PAPPA2: variants seen among roughly 807,000 people sequenced by gnomAD.
PAPPA2 encodes the protein pappalysin 2, also known as pappalysin-2.
In PAPPA2, 86 loss-of-function variants were observed where a neutral mutation model predicts 176.4. The ratio of observed to expected loss-of-function variants is 0.49; its 90% CI spans 0.41 to 0.58. PAPPA2 has a LOEUF of 0.58. Among genes scored for constraint, PAPPA2 ranks in the 20% least tolerant of loss-of-function variants. The probability of loss-of-function intolerance (pLI) is 0.00; values close to 1 mark genes in which losing one functional copy is unlikely to be tolerated. For missense variants in PAPPA2, 2,073 were observed against 2,256.9 expected (o/e 0.92, Z 1.65); for synonymous variants, 809 against 852.2 (o/e 0.95, Z 0.88).
chr1:176,770,959 G>A lies in PAPPA2; in HGVS notation c.4502-8G>A. ...TGAGCATCTTGTGCTTCTCTTTCCT[G>A]GAGTCAGGACTGAGCCCATGGCTGA... On this transcript the variant is annotated splice_region_variant and splice_polypyrimidine_tract_variant and intron_variant, in intron 16 of 22. Transcript: ENST00000367662. 1.2e-6 allele frequency: 2 copies of A among 1,612,994 alleles called. No homozygotes were observed. Among genetic ancestry groups the A allele is most frequent in the Non-Finnish European group, 8.5e-7 (1 of 1,179,496 alleles).
In PAPPA2 at chr1:176,487,125, C is replaced by T. The variant is rs769587398; in HGVS notation, c.-917+23707C>T. ...TAATTTGACATCAACTATTTAAAAACGTATCTTATAAAATATGGATAAATG... is the reference window on the plus strand; with the variant it reads ...TAATTTGACATCAACTATTTAAAAATGTATCTTATAAAATATGGATAAATG... On this transcript the variant is annotated intron_variant, in intron 1 of 22. Coordinates refer to ENST00000367662, the MANE Select transcript of PAPPA2 (RefSeq NM_020318.3). Among the ~76,000 whole-genome samples, 14 of 152,282 alleles carry T rather than the reference C, an allele frequency of 9.2e-5. 1 individual carries two copies. The highest frequency in any genetic ancestry group is 1.6e-4 in the Non-Finnish European group (11 of 68,026).
At chr1:176,500,529 TTA>T (rs919403597) in intron 1 of PAPPA2, among the ~76,000 whole-genome samples, 102 of 148,780 alleles carry the variant, frequency 6.9e-4, no homozygotes, top group Non-Finnish European at 1.3e-3. Flanking sequence ...TATAATTTAT[TTA>T]TATATATTTG....
rs538320870 is a variant in PAPPA2 at position 176,603,576 on chromosome 1, G to A, written c.1991+7981G>A. On this transcript the variant is annotated intron_variant, in intron 3 of 22. Transcript: ENST00000367662. ...TTCTTACCCAGAGCGCTGTCCAATG[G>A]TTGTGGATCTGATTTCCAGAGACAA... is the stretch of plus-strand genomic sequence containing the variant. Among the ~76,000 whole-genome samples the A allele has an allele frequency of 3.9e-5, 6 of 152,260 alleles. No individual in the cohort carries two copies. The South Asian group carries it at 1.2e-3, about 32-fold the overall frequency.
rs75518221 is a variant in PAPPA2, at chr1:176,759,534, A to G, written c.4152-6132A>G. Among the ~76,000 whole-genome samples, 522 of 152,286 alleles carry G rather than the reference A, an allele frequency of 3.4e-3. 4 individuals carry two copies. Among genetic ancestry groups the G allele is most frequent in the African/African-American group, 0.012 (500 of 41,560 alleles). On this transcript the variant is annotated intron_variant, in intron 14 of 22. Transcript: ENST00000367662. Reference sequence around the variant, plus strand: ...TTCTGACCGACTCTGAAGTATTGTTATAGCCTTCTGGAGTTCTTTCAGGGT... The same window carrying G: ...TTCTGACCGACTCTGAAGTATTGTTGTAGCCTTCTGGAGTTCTTTCAGGGT...
intron 3 of PAPPA2, among the ~76,000 whole-genome samples, chr1:176,604,512 A>G (rs1003030900): frequency 6.6e-6 from 1 of 152,238 alleles, no homozygotes; most frequent in Non-Finnish European, 1.5e-5. Context: ...GTTTTTGTAA[A>G]TAAAATTATT....
rs1460788277 is a variant in PAPPA2 at position 176,745,749 on chromosome 1, A to T, written c.4151+5553A>T. ...AACCCAAAGCTGAGGTTCAGATCTC[A>T]CTGGAGGAGGTGCAGCTGTGGAACA... is the stretch of plus-strand genomic sequence containing the variant. On this transcript the variant is annotated intron_variant, in intron 14 of 22. Coordinates refer to ENST00000367662, the MANE Select transcript of PAPPA2 (RefSeq NM_020318.3). Among the ~76,000 whole-genome samples the T allele has an allele frequency of 2.6e-5, 4 of 152,298 alleles. No homozygotes were observed. In the East Asian group the frequency reaches 7.7e-4, roughly 29 times the overall value.
intron 17 of PAPPA2, 90 bp from the exon 18 acceptor site, chr1:176,789,719 C>T (rs1665089779): frequency 7.0e-7 from 1 of 1,431,774 alleles, no homozygotes; most frequent in East Asian, 2.5e-5. Flanking sequence ...TGCCTATTTG[C>T]TAATTCTTAT....
chr1:176,771,000 G>T lies in PAPPA2; in HGVS notation c.4535G>T (p.Gly1512Val). The change falls in exon 17 of 23, where the codon GGT becomes GTT. Residue 1512 changes from glycine to valine, a missense_variant. Around this residue, in one of 4 missense-constraint regions of PAPPA2, gnomAD observed 846 missense variants for 857.9 expected, o/e 0.99. Coordinates refer to ENST00000367662, the MANE Select transcript of PAPPA2 (RefSeq NM_020318.3). ...LSPWLTCLED[G>V]LWSLPEVYCK... is the part of the protein sequence containing the mutation. ...CCATGGCTGACATGTCTTGAAGATG[G>T]TCTCTGGTCTCTCCCTGAAGTCTAC... is the stretch of plus-strand genomic sequence containing the variant. The T allele has an allele frequency of 6.2e-7, 1 of 1,614,116 alleles. No individual in the cohort carries two copies. The highest frequency in any genetic ancestry group is 8.5e-7 in the Non-Finnish European group (1 of 1,180,014).
At chr1:176,593,617 A>C (rs1309127652) in intron 2 of PAPPA2, among the ~76,000 whole-genome samples, 1 of 152,178 alleles carries the variant, frequency 6.6e-6, no homozygotes. Context: ...CACATCTGAA[A>C]GTTTGTGTCC....
At chr1:176,610,235 A>G (rs1654836085) in intron 3 of PAPPA2, among the ~76,000 whole-genome samples, 1 of 151,644 alleles carries the variant, frequency 6.6e-6, no homozygotes, top group Non-Finnish European at 1.5e-5. Context: ...AGGAATGTCT[A>G]TGTCTCCTAT....
At chr1:176,580,326 C>A (rs1430085348) in intron 2 of PAPPA2, among the ~76,000 whole-genome samples, 1 of 152,150 alleles carries the variant, frequency 6.6e-6, no homozygotes, top group Non-Finnish European at 1.5e-5. Context: ...TATGTTGCTG[C>A]AAATGACAGG....
At chr1:176,505,659 ACAG>A (rs1188588680) in intron 1 of PAPPA2, among the ~76,000 whole-genome samples, 4 of 151,940 alleles carry the variant, frequency 2.6e-5, no homozygotes, top group African/African-American at 7.2e-5. Context: ...TTCATATGGA[ACAG>A]CAACAACAAC....
intron 1 of PAPPA2, among the ~76,000 whole-genome samples, chr1:176,552,493 TTCCCTTTCCC>T (rs372564096): frequency 4.7e-4 from 72 of 151,684 alleles, no homozygotes; most frequent in African/African-American, 1.7e-3. Flanking sequence ...CTTTCCTCTT[TTCCCTTTCCC>T]TCCCTTTCCC....
chr1:176,502,895 C>T (rs1023455171), intron 1 of PAPPA2, among the ~76,000 whole-genome samples: 5 of 152,052 alleles, frequency 3.3e-5, no homozygotes, highest in Admixed American at 1.3e-4. Flanking sequence ...TTAATAAAAC[C>T]GGTTCATGTC....
chr1:176,675,946 T>A (rs773091140), intron 4 of PAPPA2, among the ~76,000 whole-genome samples: 4 of 152,038 alleles, frequency 2.6e-5, no homozygotes, highest in Non-Finnish European at 5.9e-5. Context: ...TTACTACAGA[T>A]GATATACAGA....
intron 4 of PAPPA2, among the ~76,000 whole-genome samples, chr1:176,679,770 A>G (rs879659751): frequency 6.6e-6 from 1 of 152,228 alleles, no homozygotes; most frequent in African/African-American, 2.4e-5. Context: ...CAAATGACTC[A>G]GAAGTCAGAG....
intron 12 of PAPPA2, among the ~76,000 whole-genome samples, chr1:176,721,464 G>A (rs1661616611): frequency 6.6e-6 from 1 of 152,124 alleles, no homozygotes; most frequent in South Asian, 2.1e-4. Flanking sequence ...ATGTGGGCCT[G>A]CTGGCAATGA....
intron 20 of PAPPA2, among the ~76,000 whole-genome samples, chr1:176,796,001 A>G (rs774181792): frequency 6.6e-6 from 1 of 152,216 alleles, no homozygotes; most frequent in Non-Finnish European, 1.5e-5. Context: ...ACGAGAAGAT[A>G]ATACACTGGC....
chr1:176,824,509 C>A (rs1436222359), intron 21 of PAPPA2, among the ~76,000 whole-genome samples: 1 of 152,114 alleles, frequency 6.6e-6, no homozygotes, highest in African/African-American at 2.4e-5. Context: ...CAGTTCAGAG[C>A]TAGAATTAGT....
Sources: allele counts gnomAD v4.1 joint callset (sites outside exome capture counted in the v4.1 genomes callset), GRCh38; gene constraint gnomAD v4.1.1; regional missense constraint gnomAD v4.1.1; transcripts MANE v1.5; gene names NCBI Gene and HGNC (gene_info 2026-07-23, HGNC 2026-07-21).